The following TULP4 variants were observed in gnomAD, a reference collection of about 807,000 sequenced individuals.
The protein encoded by TULP4 is TUB like protein 4, also known as tubby-related protein 4.
A neutral mutation model predicts 129.0 loss-of-function variants in TULP4; 16 were observed. That is an observed-to-expected ratio of 0.12 (90% CI 0.08 to 0.19). The LOEUF is 0.19. TULP4 is among the 10% of genes least tolerant of loss of function. TULP4 has a pLI of 1.00. For missense variants in TULP4, 1,842 were observed against 2,059.1 expected (o/e 0.89, Z 2.04); for synonymous variants, 998 against 854.0 (o/e 1.17, Z -2.94).
At chr6:158,296,479 G>T (rs928003204) in intron 1 of TULP4, among the ~76,000 whole-genome samples, 2 of 152,070 alleles carry the variant, frequency 1.3e-5, no homozygotes, top group African/African-American at 4.8e-5. Context: ...AGGGAAGGGG[G>T]TGTAAGAACA....
chr6:158,393,575 G>T (rs1562548101), intron 1 of TULP4, among the ~76,000 whole-genome samples: 1 of 152,180 alleles, frequency 6.6e-6, no homozygotes, highest in African/African-American at 2.4e-5. Flanking sequence ...TGCCTTCTGT[G>T]CACCCATAGG....
chr6:158,380,866 C>G, intron 1 of TULP4, among the ~76,000 whole-genome samples: 1 of 131,660 alleles, frequency 7.6e-6, no homozygotes, highest in Non-Finnish European at 1.5e-5. Context: ...TGCACTCCAG[C>G]CTGGGCGACA....
chr6:158,249,089 CAAAAAAA>C (rs3884262), intron 1 of TULP4, among the ~76,000 whole-genome samples: 2 of 106,542 alleles, frequency 1.9e-5, no homozygotes, highest in East Asian at 2.6e-4. Flanking sequence ...GACCCTGTCT[CAAAAAAA>C]AAAAAAAAAG....
chr6:158,443,017 C>T (rs1433025102), intron 3 of TULP4, among the ~76,000 whole-genome samples: 1 of 151,838 alleles, frequency 6.6e-6, no homozygotes, highest in Non-Finnish European at 1.5e-5. Context: ...TGGAGTCTCA[C>T]TCTGTCACCA....
At chr6:158,289,494 T>C (rs1174476077) in intron 1 of TULP4, among the ~76,000 whole-genome samples, 1 of 152,216 alleles carries the variant, frequency 6.6e-6, no homozygotes, top group East Asian at 1.9e-4. Context: ...AGCCCCTTAA[T>C]TTATAACATG....
At chr6:158,474,406 G>T (rs1305089090) in intron 6 of TULP4, among the ~76,000 whole-genome samples, 1 of 152,154 alleles carries the variant, frequency 6.6e-6, no homozygotes, top group Non-Finnish European at 1.5e-5. Flanking sequence ...CAGTATAGTT[G>T]GTTTTTGTTC....
At chr6:158,487,301 A>G (rs1780095403) in intron 8 of TULP4, among the ~76,000 whole-genome samples, 2 of 151,678 alleles carry the variant, frequency 1.3e-5, no homozygotes. Context: ...TTAGCCAGCC[A>G]TGGCAGCATG....
intron 1 of TULP4, among the ~76,000 whole-genome samples, chr6:158,301,554 C>G (rs970745646): frequency 3.9e-5 from 6 of 152,192 alleles, no homozygotes; most frequent in African/African-American, 1.4e-4. Context: ...AAGTATTCTA[C>G]ACCGAGCTTG....
At chr6:158,265,463 C>T (rs868689493) in intron 1 of TULP4, among the ~76,000 whole-genome samples, 2 of 151,778 alleles carry the variant, frequency 1.3e-5, no homozygotes, top group Admixed American at 1.3e-4. Context: ...GGGCAGATCA[C>T]GAGGTCAGGA....
chr6:158,244,715 G>A (rs1777994158), intron 1 of TULP4, among the ~76,000 whole-genome samples: 1 of 152,120 alleles, frequency 6.6e-6, no homozygotes, highest in Non-Finnish European at 1.5e-5. Context: ...GTTGTGGCCG[G>A]GCATGGTGGC....
chr6:158,492,220 A>G (rs17504230), intron 9 of TULP4, among the ~76,000 whole-genome samples: 13,718 of 152,228 alleles, frequency 0.09, 788 homozygotes, highest in Middle Eastern at 0.15. Flanking sequence ...ATAGTCCAGC[A>G]CGTGGCATTC....
intron 1 of TULP4, among the ~76,000 whole-genome samples, chr6:158,274,302 C>T (rs1273337067): frequency 4.6e-5 from 7 of 151,576 alleles, no homozygotes; most frequent in Non-Finnish European, 8.8e-5. Context: ...ACACACAAAC[C>T]AAAAGCCTGC....
At chr6:158,436,064 G>A (rs1004654944) in intron 3 of TULP4, among the ~76,000 whole-genome samples, 37 of 152,056 alleles carry the variant, frequency 2.4e-4, no homozygotes, top group Admixed American at 6.6e-5. Flanking sequence ...ACACAGGCAT[G>A]CGCCACCATG....
In TULP4 at chr6:158,503,156, C is replaced by T; in HGVS notation, c.3493C>T (p.Arg1165Ter). 4 of 1,613,420 alleles carry T rather than the reference C, an allele frequency of 2.5e-6. No homozygotes were observed. Among genetic ancestry groups the T allele is most frequent in the Non-Finnish European group, 3.4e-6 (4 of 1,179,562 alleles). The change falls in exon 13 of 14, where the codon CGA (arginine) becomes TGA (stop). Residue 1165 changes from arginine (R) to a stop codon, truncating the protein, a stop_gained. Coordinates refer to ENST00000367097, the MANE Select transcript of TULP4 (RefSeq NM_020245.5). LOFTEE classifies it high-confidence loss of function. This position sits in a 1 kb window ranked among gnomAD's most constrained non-coding sequence, Gnocchi z 4.3. ...LSQGQHLDVSRLPFISPKSPA... is the reference protein window; with the variant it reads ...LSQGQHLDVS ...TCAGGGCCAGCACCTGGACGTGTCCCGACTGCCCTTCATCTCCCCCAAGTC... is the reference window on the plus strand; with the variant it reads ...TCAGGGCCAGCACCTGGACGTGTCCTGACTGCCCTTCATCTCCCCCAAGTC...
chr6:158,272,235 G>C (rs166391), intron 1 of TULP4, among the ~76,000 whole-genome samples: 1 of 152,114 alleles, frequency 6.6e-6, no homozygotes. Context: ...GAATTTTTCA[G>C]TTGGGAATTA....
intron 2 of TULP4, among the ~76,000 whole-genome samples, chr6:158,421,361 C>CAA (rs71030167): frequency 7.0e-6 from 1 of 142,236 alleles, no homozygotes; most frequent in Non-Finnish European, 1.5e-5. Flanking sequence ...GGCTCCGTCT[C>CAA]AAAAAAAAAA....
rs76537337 is a variant in TULP4, at chr6:158,287,821, C to T, written n.116+5443C>T. On this transcript the variant is annotated intron_variant and non_coding_transcript_variant, in intron 1 of 1. Coordinates refer to the TULP4 transcript ENST00000432358. Reference sequence around the variant, plus strand: ...TTTTATAGAGGACCCTGGTGGAAGACAAGACTGGCACAATAGGTAGGTGTA... The same window carrying T: ...TTTTATAGAGGACCCTGGTGGAAGATAAGACTGGCACAATAGGTAGGTGTA... 6.4e-3 allele frequency among the ~76,000 whole-genome samples: 975 copies of T among 152,290 alleles called. 10 individuals are homozygous for T. The highest frequency in any genetic ancestry group is 0.022 in the African/African-American group (916 of 41,548).
intron 1 of TULP4, among the ~76,000 whole-genome samples, chr6:158,349,094 ATG>A (rs1780408591): frequency 7.5e-6 from 1 of 134,176 alleles, no homozygotes; most frequent in Admixed American, 7.4e-5. Context: ...CACTTCCCAG[ATG>A]GGGCAGCCGG....
chr6:158,360,499 T>C (rs931924282), intron 1 of TULP4, among the ~76,000 whole-genome samples: 6 of 152,118 alleles, frequency 3.9e-5, no homozygotes, highest in African/African-American at 1.4e-4. Flanking sequence ...ATTTGGAAGA[T>C]TGAATTGAAA....
Sources: allele counts gnomAD v4.1 joint callset (sites outside exome capture counted in the v4.1 genomes callset), GRCh38; gene constraint gnomAD v4.1.1; non-coding constraint Gnocchi (gnomAD v3.1); transcripts MANE v1.5; gene names NCBI Gene and HGNC (gene_info 2026-07-23, HGNC 2026-07-21).